EML4: variants seen among roughly 807,000 people sequenced by gnomAD.
The protein encoded by EML4 is EMAP like 4, also known as echinoderm microtubule-associated protein-like 4.
Under a neutral mutation model 129.0 loss-of-function variants are expected in EML4, and 72 were observed. The observed-to-expected ratio is 0.56, with a 90% CI of 0.46 to 0.68. The LOEUF is 0.68. EML4 is among the 30% of genes least tolerant of loss of function. EML4 has a pLI of 0.00. For synonymous variants in EML4, 532 were observed against 405.0 expected (o/e 1.31, Z -3.77); for missense variants, 1,363 against 1,190.6 (o/e 1.14, Z -2.13).
chr2:42,244,106 T>TTTG (rs1558534278), intron 1 of EML4, among the ~76,000 whole-genome samples: 1 of 44,404 alleles, frequency 2.3e-5, no homozygotes, highest in African/African-American at 6.3e-5. Context: ...TTTTTGTTTT[T>TTTG]TTTTTTTTTT....
In EML4 at chr2:42,263,079, A is replaced by C. The variant is rs17029465; in HGVS notation, c.513-99A>C. The stretch of plus-strand genomic sequence containing the variant: ...TCCTTCTCTTTTCTGGATTAGCTTT[A>C]AGGAAATGTTAATTGCTGCTTTTGT... On this transcript the variant is annotated intron_variant, in intron 4 of 22. Coordinates refer to ENST00000318522, the MANE Select transcript of EML4 (RefSeq NM_019063.5). The C allele has an allele frequency of 7.5e-4, 755 of 1,001,124 alleles. 3 individuals are homozygous for C. In the African/African-American group the frequency reaches 0.011, roughly 15 times the overall value. 62.0% of individuals were successfully genotyped at this position (1,001,124 alleles called of 1,614,324 possible).
intron 7 of EML4, among the ~76,000 whole-genome samples, chr2:42,282,045 C>G (rs1000567465): frequency 6.6e-6 from 1 of 152,150 alleles, no homozygotes; most frequent in Non-Finnish European, 1.5e-5. Flanking sequence ...ATAAATATCC[C>G]TTTTCCAGAT....
At chr2:42,241,775 C>G (rs1381569950) in intron 1 of EML4, among the ~76,000 whole-genome samples, 1 of 150,952 alleles carries the variant, frequency 6.6e-6, no homozygotes, top group Non-Finnish European at 1.5e-5. Flanking sequence ...GTCTTTGAGT[C>G]TGAGATACCT....
intron 1 of EML4, among the ~76,000 whole-genome samples, chr2:42,189,832 A>G (rs1373015102): frequency 6.6e-6 from 1 of 152,174 alleles, no homozygotes; most frequent in Non-Finnish European, 1.5e-5. Context: ...AATACTGAAG[A>G]AAGAGTGTTT....
intron 6 of EML4, among the ~76,000 whole-genome samples, chr2:42,265,369 T>G (rs1448829642): frequency 1.3e-5 from 2 of 152,270 alleles, no homozygotes; most frequent in African/African-American, 4.8e-5. Flanking sequence ...CCTCCCAAAG[T>G]GCAGGGATTA....
At chr2:42,175,384 A>G (rs1205667452) in intron 1 of EML4, among the ~76,000 whole-genome samples, 1 of 149,846 alleles carries the variant, frequency 6.7e-6, no homozygotes, top group East Asian at 2.0e-4. Flanking sequence ...AAGTGCTGGC[A>G]TTACAGACGT....
chr2:42,173,791 C>G (rs754696616), intron 1 of EML4, among the ~76,000 whole-genome samples: 13 of 152,164 alleles, frequency 8.5e-5, no homozygotes, highest in African/African-American at 2.9e-4. Flanking sequence ...TTGCAGTGAG[C>G]TATGATTGTA....
chr2:42,230,028 C>A (rs565698834), intron 1 of EML4, among the ~76,000 whole-genome samples: 1 of 152,066 alleles, frequency 6.6e-6, no homozygotes, highest in Non-Finnish European at 1.5e-5. Flanking sequence ...AAATTTGCTT[C>A]TTCCAGATTC....
intron 1 of EML4, among the ~76,000 whole-genome samples, chr2:42,227,102 T>G (rs1258959372): frequency 1.3e-5 from 2 of 152,076 alleles, no homozygotes; most frequent in Non-Finnish European, 2.9e-5. Context: ...GAAATGATGT[T>G]CATTCTTTTT....
intron 1 of EML4, among the ~76,000 whole-genome samples, chr2:42,174,195 T>C (rs1026854149): frequency 2.6e-5 from 4 of 152,202 alleles, no homozygotes; most frequent in African/African-American, 9.6e-5. Flanking sequence ...ATTTTGATTT[T>C]TAAAATAGAT....
chr2:42,264,081 G>T (rs1665903584), intron 5 of EML4, among the ~76,000 whole-genome samples: 1 of 145,736 alleles, frequency 6.9e-6, no homozygotes. Flanking sequence ...ACCTTTTAAG[G>T]CTCCCAACTC....
At chr2:42,268,524 A>C (rs141207954) in intron 6 of EML4, among the ~76,000 whole-genome samples, 1 of 152,080 alleles carries the variant, frequency 6.6e-6, no homozygotes, top group Non-Finnish European at 1.5e-5. Context: ...TGCAGCCTTG[A>C]ACTCCGAGCT....
At chr2:42,299,819 G>C (rs577963515) in intron 13 of EML4, among the ~76,000 whole-genome samples, 37 of 152,308 alleles carry the variant, frequency 2.4e-4, no homozygotes, top group East Asian at 5.8e-4. Context: ...CTCCCAAGTA[G>C]CTGGGATTAC....
chr2:42,223,379 A>T (rs555750681), intron 1 of EML4, among the ~76,000 whole-genome samples: 1 of 152,310 alleles, frequency 6.6e-6, no homozygotes, highest in African/African-American at 2.4e-5. Flanking sequence ...TGCTCATAAG[A>T]TCAGTAAAAA....
intron 6 of EML4, among the ~76,000 whole-genome samples, chr2:42,278,155 C>CT (rs1040587663): frequency 4.2e-4 from 64 of 152,292 alleles, no homozygotes; most frequent in African/African-American, 1.4e-3. Context: ...CCTTTAGCTC[C>CT]TTTTGTAACC....
At chr2:42,183,291 TATC>T (rs1671052965) in intron 1 of EML4, among the ~76,000 whole-genome samples, 1 of 152,242 alleles carries the variant, frequency 6.6e-6, no homozygotes, top group Non-Finnish European at 1.5e-5. Context: ...AAGCTTGTAT[TATC>T]ATGAGGGGAG....
intron 3 of EML4, among the ~76,000 whole-genome samples, chr2:42,260,634 A>T (rs1051475258): frequency 6.6e-6 from 1 of 152,242 alleles, no homozygotes; most frequent in African/African-American, 2.4e-5. Flanking sequence ...ACTGGCATAA[A>T]CAGACTTGGG....
chr2:42,194,908 A>G (rs1261064738), intron 1 of EML4, among the ~76,000 whole-genome samples: 1 of 152,170 alleles, frequency 6.6e-6, no homozygotes, highest in East Asian at 1.9e-4. Flanking sequence ...GTATGGTGTA[A>G]GATAAGAGTT....
chr2:42,175,095 G>A (rs1670525083), intron 1 of EML4, among the ~76,000 whole-genome samples: 1 of 150,438 alleles, frequency 6.6e-6, no homozygotes, highest in Non-Finnish European at 1.5e-5. Flanking sequence ...GTGAGCCACC[G>A]TGCCTGGCCG....
Sources: allele counts gnomAD v4.1 joint callset (sites outside exome capture counted in the v4.1 genomes callset), GRCh38; gene constraint gnomAD v4.1.1; transcripts MANE v1.5; gene names NCBI Gene and HGNC (gene_info 2026-07-23, HGNC 2026-07-21).